The following CDKN2A variants were observed in gnomAD, a reference collection of about 807,000 sequenced individuals.
The protein encoded by CDKN2A is cyclin-dependent kinase inhibitor 2A.
CDKN2A carries 3 observed loss-of-function variants against 11.1 expected under a neutral mutation model. The observed-to-expected ratio is 0.27, with a 90% CI of 0.12 to 0.70. The LOEUF (loss-of-function observed/expected upper bound fraction) is 0.70, where lower values mean the gene tolerates loss of function less well. Among genes scored for constraint, CDKN2A ranks in the 30% least tolerant of loss-of-function variants. CDKN2A has a pLI of 0.77. For missense variants in CDKN2A, 265 were observed against 233.6 expected, an observed-to-expected ratio of 1.13 and a Z score of -0.88; for synonymous variants, 122 against 108.1, an observed-to-expected ratio of 1.13 and a Z score of -0.80.
At position 21,974,469 on chromosome 9, in the gene CDKN2A, G is replaced by A. The variant is rs374087901; in HGVS notation, c.150+209C>T. On this transcript the variant is annotated intron_variant, in intron 1 of 2. Coordinates refer to ENST00000304494, the MANE Select transcript of CDKN2A (RefSeq NM_000077.5). This position sits in a 1 kb window ranked among gnomAD's most constrained non-coding sequence, Gnocchi z 5.2. ...CAGCATTCGAGAGATCTGTACGCGC[G>A]TGGCTCCTCATTCCTCTTCCTTGGC... The A allele has an allele frequency of 1.2e-6, 2 of 1,612,330 alleles. No individual in the cohort carries two copies. The highest frequency in any genetic ancestry group is 1.1e-5 in the South Asian group (1 of 90,232).
At chr9:21,975,101 T>C, upstream of CDKN2A, 2 of 1,265,028 alleles carry the variant, frequency 1.6e-6, no homozygotes, top group East Asian at 3.4e-5. Context: ...AGGTTGGGTC[T>C]CCCCCGGGGG....
rs1820437543 is a variant in CDKN2A at position 21,991,806 on chromosome 9, A to G, written c.-4+2076T>C. On this transcript the variant is annotated intron_variant, in intron 2 of 3. Transcript: ENST00000494262. The surrounding 1 kb of genome is among the most constrained non-coding windows in gnomAD (Gnocchi z 5.2). Reference sequence around the variant, plus strand: ...ATAAGTCTTGATTTCTGAAAGGGCTATGGTTCACTTGGAACACAATACAAA... The same window carrying G: ...ATAAGTCTTGATTTCTGAAAGGGCTGTGGTTCACTTGGAACACAATACAAA... 9.1e-6 allele frequency: 9 copies of G among 985,288 alleles called. No homozygotes were observed. The highest frequency in any genetic ancestry group is 1.7e-5 in the African/African-American group (1 of 57,342). The allele number at this position is 985,288 out of a possible 1,614,324, so 61.0% of individuals were successfully genotyped here.
chr9:21,994,348 G>T, intron 1 of CDKN2A: 1 of 1,607,184 alleles, frequency 6.2e-7, no homozygotes, highest in Non-Finnish European at 8.5e-7. Flanking sequence ...GCCGCCTCCA[G>T]GGCCGAGCTC....
Position 21,970,955 on chromosome 9 carries a change from C to T in CDKN2A, c.404G>A (p.Gly135Glu), listed in dbSNP as rs1182554152. The change falls in exon 2 of 3, where the codon GGG becomes GAG. Residue 135 changes from glycine to glutamate, a missense_variant. Physicochemically the swap from Gly to Glu is moderately conservative, Grantham distance 98. Transcript: ENST00000304494. ...DVARYLRAAAGGTRGSNHARI... is the reference protein window; with the variant it reads ...DVARYLRAAAEGTRGSNHARI... ...GGCATGGTTACTGCCTCTGGTGCCC[C>T]CCGCAGCCGCGCGCAGGTACCGTGC... The T allele has an allele frequency of 3.1e-6, 5 of 1,611,926 alleles. No homozygotes were observed. The East Asian group carries it at 8.9e-5, about 29-fold the overall frequency.
upstream of CDKN2A, chr9:21,975,090 C>T: frequency 7.7e-7 from 1 of 1,298,266 alleles, no homozygotes; most frequent in Non-Finnish European, 9.7e-7. Flanking sequence ...GAAGTCGCCC[C>T]AGGTTGGGTC....
chr9:21,976,649 CG>C (rs1383603544), upstream of CDKN2A, among the ~76,000 whole-genome samples: 1 of 151,872 alleles, frequency 6.6e-6, no homozygotes, highest in Non-Finnish European at 1.5e-5. Context: ...CAGGAGAAGG[CG>C]GAGGTTGCAG....
At chr9:21,993,033 A>G (rs1241134297) in intron 2 of CDKN2A, among the ~76,000 whole-genome samples, 1 of 152,244 alleles carries the variant, frequency 6.6e-6, no homozygotes, top group Non-Finnish European at 1.5e-5. Context: ...TTGAGACACT[A>G]AATTAAACAC....
At chr9:21,972,404 G>C (rs1199251956) in intron 1 of CDKN2A, among the ~76,000 whole-genome samples, 1 of 152,106 alleles carries the variant, frequency 6.6e-6, no homozygotes, top group Non-Finnish European at 1.5e-5. Flanking sequence ...TTTTATTAGA[G>C]GGTCACAGTC....
intron 2 of CDKN2A, among the ~76,000 whole-genome samples, chr9:21,990,611 T>TGAGAGAGAGAGAGAGAAAGAGAGA (rs1820406086): frequency 1.1e-5 from 1 of 89,676 alleles, no homozygotes; most frequent in Non-Finnish European, 2.2e-5. Flanking sequence ...ACTAATTTGG[T>TGAGAGAGAGAGAGAGAAAGAGAGA]GAGAGAGAGA....
chr9:21,974,275 T>G lies in CDKN2A; in HGVS notation c.150+403A>C. ...GATTTCCACTGATAATCCCTCCTAG[T>G]AAGAAAGATAAGCTCCATCCAGGTA... On this transcript the variant is annotated intron_variant, in intron 1 of 2. Coordinates refer to ENST00000304494, the MANE Select transcript of CDKN2A (RefSeq NM_000077.5). The surrounding 1 kb of genome is among the most constrained non-coding windows in gnomAD (Gnocchi z 5.2). The G allele has an allele frequency of 1.7e-6, 1 of 598,272 alleles. No homozygotes were observed. The highest frequency in any genetic ancestry group is 2.7e-6 in the Non-Finnish European group (1 of 376,846). 37.1% of individuals were successfully genotyped at this position (598,272 alleles called of 1,614,324 possible).
Position 21,974,779 on chromosome 9 carries a change from C to G in CDKN2A, c.49G>C (p.Ala17Pro), listed in dbSNP as rs2131113506. ...ACCCGACCCCGGGCCGCGGCCGTGG[C>G]CAGCCAGTCAGCCGAAGGCTCCATG... ...SSMEPSADWL[A>P]TAAARGRVEE... The change falls in exon 1 of 3, where the codon GCC becomes CCC. Residue 17 changes from alanine (A) to proline (P), a missense_variant. Coordinates refer to ENST00000304494, the MANE Select transcript of CDKN2A (RefSeq NM_000077.5). This position sits in a 1 kb window ranked among gnomAD's most constrained non-coding sequence, Gnocchi z 5.2. 1 of 1,608,278 alleles carries G rather than the reference C, an allele frequency of 6.2e-7. No homozygotes were observed. Among genetic ancestry groups the G allele is most frequent in the South Asian group, 1.1e-5 (1 of 90,972 alleles).
At chr9:21,969,717 A>G (rs1819603071) in intron 2 of CDKN2A, 1 of 396,864 alleles carries the variant, frequency 2.5e-6, no homozygotes, top group East Asian at 3.6e-5. Flanking sequence ...CTCCTTCTAA[A>G]TCGGGACCCG....
At chr9:21,992,473 A>C in intron 2 of CDKN2A, 1 of 922,010 alleles carries the variant, frequency 1.1e-6, no homozygotes, top group Non-Finnish European at 1.3e-6. Flanking sequence ...CTGAAAATTG[A>C]TTTATACCTA....
rs749588877 is a variant in CDKN2A at position 21,970,951 on chromosome 9, G to GC, written c.407dup (p.Thr137HisfsTer5). 9.9e-6 allele frequency: 16 copies of GC among 1,611,782 alleles called. No homozygotes were observed. Among genetic ancestry groups the GC allele is most frequent in the African/African-American group, 4.0e-5 (3 of 74,922 alleles). On this transcript the variant is annotated frameshift_variant, in exon 2 of 3. Coordinates refer to ENST00000304494, the MANE Select transcript of CDKN2A (RefSeq NM_000077.5). LOFTEE classifies it low-confidence loss of function (END_TRUNC). ...TGCGGGCATGGTTACTGCCTCTGGT[G>GC]CCCCCCGCAGCCGCGCGCAGGTACC... is the stretch of plus-strand genomic sequence containing the variant.
In CDKN2A at chr9:21,972,552, C is replaced by A. The variant is rs539850679; in HGVS notation, c.151-1344G>T. ...TTAGAGTTTCCAAAAGGAATGAAACCTTGTGGACCCATTTTTGACTTCTGA... is the reference window on the plus strand; with the variant it reads ...TTAGAGTTTCCAAAAGGAATGAAACATTGTGGACCCATTTTTGACTTCTGA... On this transcript the variant is annotated intron_variant, in intron 1 of 2. Transcript: ENST00000304494. Among the ~76,000 whole-genome samples the A allele has an allele frequency of 6.6e-5, 10 of 152,242 alleles. No homozygotes were observed. In the East Asian group the frequency reaches 1.7e-3, roughly 26 times the overall value.
At chr9:21,986,122 C>T (rs1820292120) in intron 2 of CDKN2A, among the ~76,000 whole-genome samples, 1 of 152,036 alleles carries the variant, frequency 6.6e-6, no homozygotes, top group South Asian at 2.1e-4. Flanking sequence ...GAGAGTTTCT[C>T]ATACTTCATT....
chr9:21,992,032 T>A (rs1820441460), intron 2 of CDKN2A: 1 of 983,996 alleles, frequency 1.0e-6, no homozygotes, highest in Non-Finnish European at 1.2e-6. Flanking sequence ...ACTATGGCAA[T>A]TTTTCAGGTT....
rs1483538952 is a variant in CDKN2A at position 21,974,529 on chromosome 9, C to T, written c.150+149G>A. 1 of 1,613,154 alleles carries T rather than the reference C, an allele frequency of 6.2e-7. No homozygotes were observed. The highest frequency in any genetic ancestry group is 8.5e-7 in the Non-Finnish European group (1 of 1,179,976). On this transcript the variant is annotated intron_variant, in intron 1 of 2. Coordinates refer to ENST00000304494, the MANE Select transcript of CDKN2A (RefSeq NM_000077.5). The surrounding 1 kb of genome is among the most constrained non-coding windows in gnomAD (Gnocchi z 5.2). ...CCCCAGGGCGTCGCCAGGAGGAGGT[C>T]TGTGATTACAAACCCCTTCTGAAAA...
Position 21,970,642 on chromosome 9 carries a change from TG to T in CDKN2A, c.457+259del, listed in dbSNP as rs1819661842. The stretch of plus-strand genomic sequence containing the variant: ...AGGCCTTGAACTAGCAGAGGGTAGG[TG>T]TTTGGGTGGTGGTATGCTTTGGGAA... On this transcript the variant is annotated intron_variant, in intron 2 of 2. Transcript: ENST00000304494. 7 of 606,846 alleles carry T rather than the reference TG, an allele frequency of 1.2e-5. No individual in the cohort carries two copies. The South Asian group carries it at 1.2e-4, about 10-fold the overall frequency. 37.6% of individuals were successfully genotyped at this position (606,846 alleles called of 1,614,324 possible).
Sources: allele counts gnomAD v4.1 joint callset (sites outside exome capture counted in the v4.1 genomes callset), GRCh38; gene constraint gnomAD v4.1.1; non-coding constraint Gnocchi (gnomAD v3.1); transcripts MANE v1.5; gene names NCBI Gene and HGNC (gene_info 2026-07-23, HGNC 2026-07-21).